The following FNDC1 variants were observed in gnomAD, a reference collection of about 807,000 sequenced individuals.
The protein encoded by FNDC1 is fibronectin type III domain-containing protein 1.
A neutral mutation model predicts 168.0 loss-of-function variants in FNDC1; 96 were observed. The observed-to-expected ratio is 0.57, with a 90% CI of 0.48 to 0.68. The LOEUF is 0.68. FNDC1 is among the 30% of genes least tolerant of loss of function. The pLI is 0.00. For synonymous variants in FNDC1, 1,099 were observed against 1,025.9 expected (o/e 1.07, Z -1.36); for missense variants, 2,587 against 2,482.1 (o/e 1.04, Z -0.90).
In FNDC1 at chr6:159,233,233, G is replaced by T. The variant is rs368811141; in HGVS notation, c.2721G>T (p.Glu907Asp). 27 of 1,613,866 alleles carry T rather than the reference G, an allele frequency of 1.7e-5. No homozygotes were observed. Among genetic ancestry groups the T allele is most frequent in the Admixed American group, 3.3e-5 (2 of 60,018 alleles). Residue 907 changes from glutamate to aspartate, a missense_variant, in exon 11 of 23, where the codon GAG (glutamate) becomes GAT (aspartate). Transcript: ENST00000297267. This position sits in a 1 kb window ranked among gnomAD's most constrained non-coding sequence, Gnocchi z 4.6. ...GGCAGCCCATCTCCCGGGGCTGGGA[G>T]GACTTAAGGAGAAGCCCGCAGAGAG... ...SSRQPISRGW[E>D]DLRRSPQRGA...
At chr6:159,247,931 C>T (rs1299293496) in intron 15 of FNDC1, among the ~76,000 whole-genome samples, 4 of 152,188 alleles carry the variant, frequency 2.6e-5, no homozygotes, top group Non-Finnish European at 2.9e-5. Context: ...CCAGTGCCGG[C>T]CTTTGACACC....
At chr6:159,200,802 TG>T (rs1782363992) in intron 4 of FNDC1, among the ~76,000 whole-genome samples, 1 of 152,230 alleles carries the variant, frequency 6.6e-6, no homozygotes, top group South Asian at 2.1e-4. Flanking sequence ...TGTTCTCGCG[TG>T]GGGAAGTGTC....
At chr6:159,201,755 C>T (rs902629817) in intron 4 of FNDC1, among the ~76,000 whole-genome samples, 4 of 152,200 alleles carry the variant, frequency 2.6e-5, no homozygotes, top group Admixed American at 1.3e-4. Context: ...TGAACACACA[C>T]ATGTAAACAG....
intron 5 of FNDC1, among the ~76,000 whole-genome samples, 159 bp from the exon 6 acceptor site, chr6:159,221,439 C>A (rs188668588): frequency 6.6e-6 from 1 of 152,078 alleles, no homozygotes; most frequent in African/African-American, 2.4e-5. Context: ...TTCTTGGGCT[C>A]GCCCTTCATA....
At chr6:159,260,574 G>A (rs1777461377) in intron 18 of FNDC1, among the ~76,000 whole-genome samples, 1 of 152,120 alleles carries the variant, frequency 6.6e-6, no homozygotes. Context: ...CAGCTCCAGA[G>A]CCAACCACAG....
intron 21 of FNDC1, among the ~76,000 whole-genome samples, chr6:159,267,483 A>T (rs1777615114): frequency 6.6e-6 from 1 of 152,102 alleles, no homozygotes; most frequent in South Asian, 2.1e-4. Flanking sequence ...GTATTCTCCA[A>T]CTATCATAGT....
chr6:159,195,329 G>A (rs980001189), intron 1 of FNDC1, among the ~76,000 whole-genome samples: 1 of 147,186 alleles, frequency 6.8e-6, no homozygotes, highest in African/African-American at 2.5e-5. Flanking sequence ...GGTCGATGAG[G>A]ATGCGCAGCC....
chr6:159,174,045 T>C (rs1160550594), intron 1 of FNDC1, among the ~76,000 whole-genome samples: 5 of 152,252 alleles, frequency 3.3e-5, no homozygotes, highest in Non-Finnish European at 7.3e-5. Context: ...TTTCTTGAGT[T>C]ATAATTAAAC....
chr6:159,222,012 T>C (rs1247415543), intron 6 of FNDC1, among the ~76,000 whole-genome samples: 1 of 152,186 alleles, frequency 6.6e-6, no homozygotes, highest in Non-Finnish European at 1.5e-5. Context: ...CCCTGGGTGA[T>C]GCACTGAACG....
intron 9 of FNDC1, among the ~76,000 whole-genome samples, chr6:159,227,563 G>A (rs1782978120): frequency 6.6e-6 from 1 of 151,450 alleles, no homozygotes; most frequent in Non-Finnish European, 1.5e-5. Flanking sequence ...AGTTAAGGAA[G>A]GTCGATGTGG....
rs567730272 is a variant in FNDC1, at chr6:159,261,083, A to T, written c.5175-107A>T. The T allele has an allele frequency of 4.6e-4, 358 of 771,478 alleles. 1 individual carries two copies. In the African/African-American group the frequency reaches 5.1e-3, roughly 11 times the overall value. The allele number at this position is 771,478 out of a possible 1,614,324, so 47.8% of individuals were successfully genotyped here. On this transcript the variant is annotated intron_variant, in intron 18 of 22. Coordinates refer to ENST00000297267, the MANE Select transcript of FNDC1 (RefSeq NM_032532.3). ...TGCTGTATGCATTTGTAAAAAGTAG[A>T]ACTCAAAGCCTGTCACGGTTCAGGT...
chr6:159,219,966 T>C (rs764488124), intron 5 of FNDC1, among the ~76,000 whole-genome samples: 6 of 152,218 alleles, frequency 3.9e-5, no homozygotes, highest in Non-Finnish European at 8.8e-5. Context: ...GACTCCTCCA[T>C]ATAGAAGCTT....
rs564106720 is a variant in FNDC1 at position 159,239,820 on chromosome 6, C to T, written c.4484C>T (p.Thr1495Met). ...CCAACAACCACAGTCCGAACCACTACGCGGACAACCACCACCACCACCCCC... is the reference window on the plus strand; with the variant it reads ...CCAACAACCACAGTCCGAACCACTATGCGGACAACCACCACCACCACCCCC... ...RRPTTTVRTT[T>M]RTTTTTTPTP... The change falls in exon 14 of 23, where the codon ACG (threonine) becomes ATG (methionine). Residue 1495 changes from threonine to methionine, a missense_variant. Coordinates refer to ENST00000297267, the MANE Select transcript of FNDC1 (RefSeq NM_032532.3). 181 of 1,546,562 alleles carry T rather than the reference C, an allele frequency of 1.2e-4. No homozygotes were observed. The highest frequency in any genetic ancestry group is 3.6e-4 in the South Asian group (30 of 83,794).
intron 4 of FNDC1, among the ~76,000 whole-genome samples, chr6:159,213,495 A>G (rs555269656): frequency 6.6e-6 from 1 of 152,278 alleles, no homozygotes; most frequent in Non-Finnish European, 1.5e-5. Context: ...CATCCTCCCC[A>G]GGGCCCAGCA....
chr6:159,251,349 C>A lies in FNDC1; in HGVS notation c.4882C>A (p.Leu1628Met). Residue 1628 changes from leucine (L) to methionine (M), a missense_variant, in exon 17 of 23, where the codon CTG (leucine) becomes ATG (methionine). Physicochemically the swap from Leu to Met is conservative, Grantham distance 15. Coordinates refer to ENST00000297267, the MANE Select transcript of FNDC1 (RefSeq NM_032532.3). ...LNKDPSAPCS[L>M]TDALDHFQVD... ...TAAAGACCCATCAGCCCCGTGCTCT[C>A]TGACTGATGCACTGGATCACTTCCA... The A allele has an allele frequency of 6.2e-7, 1 of 1,614,018 alleles. No homozygotes were observed. Among genetic ancestry groups the A allele is most frequent in the Non-Finnish European group, 8.5e-7 (1 of 1,179,888 alleles).
At chr6:159,171,359 C>T (rs1027919160) in intron 1 of FNDC1, among the ~76,000 whole-genome samples, 2 of 152,172 alleles carry the variant, frequency 1.3e-5, no homozygotes, top group African/African-American at 4.8e-5. Context: ...ACATAGCAAC[C>T]TGTAGATAGC....
intron 1 of FNDC1, among the ~76,000 whole-genome samples, chr6:159,188,380 T>C (rs1289669750): frequency 1.8e-5 from 1 of 56,272 alleles, no homozygotes; most frequent in Non-Finnish European, 3.0e-5. Context: ...TTTTTTTTTT[T>C]TTTTTTTTTT....
chr6:159,254,602 G>A (rs1583915034), intron 17 of FNDC1, among the ~76,000 whole-genome samples: 2 of 151,822 alleles, frequency 1.3e-5, no homozygotes, highest in East Asian at 3.9e-4. Flanking sequence ...CAGCTACTCG[G>A]GAGGCTGAGG....
In FNDC1 at chr6:159,253,329, C is replaced by T. The variant is rs1017249645; in HGVS notation, c.5065+1797C>T. ...GCTCAGAGAGAGAATAGCGGCAGCT[C>T]GTCATCCATTAGTGAACCAAACACC... On this transcript the variant is annotated intron_variant, in intron 17 of 22. Coordinates refer to ENST00000297267, the MANE Select transcript of FNDC1 (RefSeq NM_032532.3). Among the ~76,000 whole-genome samples, 10 of 152,346 alleles carry T rather than the reference C, an allele frequency of 6.6e-5. No individual in the cohort carries two copies. The South Asian group carries it at 1.2e-3, about 19-fold the overall frequency.
Sources: allele counts gnomAD v4.1 joint callset (sites outside exome capture counted in the v4.1 genomes callset), GRCh38; gene constraint gnomAD v4.1.1; non-coding constraint Gnocchi (gnomAD v3.1); transcripts MANE v1.5; gene names NCBI Gene and HGNC (gene_info 2026-07-23, HGNC 2026-07-21).